IGF2R: variants seen among roughly 807,000 people sequenced by gnomAD.
IGF2R encodes the protein insulin like growth factor 2 receptor.
In IGF2R, 91 loss-of-function variants were observed where a neutral mutation model predicts 270.6. That is an observed-to-expected ratio of 0.34 (90% CI 0.28 to 0.40). IGF2R has a LOEUF of 0.40. Ranked by LOEUF, IGF2R falls within the 10% of genes least tolerant of loss-of-function variation. IGF2R has a pLI of 1.00. For missense variants in IGF2R, 2,805 were observed against 3,188.3 expected (o/e 0.88, Z 2.90); for synonymous variants, 1,316 against 1,258.9 (o/e 1.05, Z -0.96).
rs1248822258 is a variant in IGF2R at position 160,027,435 on chromosome 6, T to G, written c.776+121T>G. The G allele has an allele frequency of 3.8e-5, 41 of 1,081,780 alleles. No homozygotes were observed. The East Asian group carries it at 9.9e-4, about 26-fold the overall frequency. 67.0% of individuals were successfully genotyped at this position (1,081,780 alleles called of 1,614,324 possible). A position where few individuals can be genotyped will look rare whatever the true frequency, so the allele number is the denominator to read the frequency against. ...GGGATAGTCCCTGCAGCATTGCTGC[T>G]TCACATGTACTTGTAAGATTGTTGG... On this transcript the variant is annotated intron_variant, in intron 6 of 47. Coordinates refer to ENST00000356956, the MANE Select transcript of IGF2R (RefSeq NM_000876.4).
chr6:160,028,615 C>T (rs2115228153), intron 6 of IGF2R, among the ~76,000 whole-genome samples: 1 of 152,326 alleles, frequency 6.6e-6, no homozygotes, highest in South Asian at 2.1e-4. Context: ...CCTTTCCACA[C>T]TGAGTGCAGT....
At chr6:159,972,889 G>GT (rs34474276) in intron 1 of IGF2R, among the ~76,000 whole-genome samples, 8 of 152,178 alleles carry the variant, frequency 5.3e-5, no homozygotes, top group Middle Eastern at 3.4e-3. Context: ...TAAGTGCATG[G>GT]TTTTTTTTGG....
chr6:159,987,494 C>T (rs879421551), intron 1 of IGF2R, among the ~76,000 whole-genome samples: 4 of 152,172 alleles, frequency 2.6e-5, no homozygotes, highest in Admixed American at 1.3e-4. Context: ...CAGGTTCAAG[C>T]GATACTCCTG....
chr6:160,065,835 TATATATATATGTA>T (rs1778570546), intron 29 of IGF2R, among the ~76,000 whole-genome samples: 1 of 137,632 alleles, frequency 7.3e-6, no homozygotes, highest in African/African-American at 2.7e-5. Flanking sequence ...TATATATATA[TATATATATATGTA>T]TTTTTTTTGA....
In IGF2R at chr6:160,104,891, G is replaced by C; in HGVS notation, c.7283G>C (p.Gly2428Ala). The stretch of plus-strand genomic sequence containing the variant: ...AAAGTTCACTCGGGCAGGGGAGCTG[G>C]GGCAGAGAGCTCCCACCCAGTGAGA... ...EVKVHSGRGA[G>A]AESSHPVRNA... The change falls in exon 48 of 48, where the codon GGG becomes GCG. Residue 2428 changes from glycine (G) to alanine (A), a missense_variant. Transcript: ENST00000356956. 6.2e-7 allele frequency: 1 copy of C among 1,614,152 alleles called. No individual in the cohort carries two copies. The highest frequency in any genetic ancestry group is 8.5e-7 in the Non-Finnish European group (1 of 1,180,016).
intron 10 of IGF2R, among the ~76,000 whole-genome samples, chr6:160,036,241 C>T (rs1473494544): frequency 2.0e-5 from 3 of 152,092 alleles, no homozygotes; most frequent in African/African-American, 7.2e-5. Context: ...CTGAGCACTC[C>T]CTGCACCCCT....
intron 41 of IGF2R, 107 bp downstream of exon 41, chr6:160,085,238 A>G: frequency 8.5e-7 from 1 of 1,182,822 alleles, no homozygotes. Flanking sequence ...TTTGGTGGAA[A>G]CCTCCAGATA....
At chr6:160,086,727 T>G (rs778109373) in intron 41 of IGF2R, among the ~76,000 whole-genome samples, 22 of 152,194 alleles carry the variant, frequency 1.4e-4, no homozygotes, top group Non-Finnish European at 2.6e-4. Flanking sequence ...CAGCTTTGAG[T>G]TTGGGGCAGG....
chr6:160,092,785 C>T (rs965023424), intron 44 of IGF2R, among the ~76,000 whole-genome samples: 2 of 152,210 alleles, frequency 1.3e-5, no homozygotes, highest in African/African-American at 4.8e-5. Context: ...TGGGCCCCAT[C>T]TGTGTGTGGA....
intron 31 of IGF2R, among the ~76,000 whole-genome samples, chr6:160,070,999 G>A (rs1283914355): frequency 6.6e-6 from 1 of 152,230 alleles, no homozygotes; most frequent in East Asian, 1.9e-4. Context: ...CACATGTGGG[G>A]GGCAAAGGTG....
chr6:160,023,373 C>G (rs1777479481), intron 4 of IGF2R, among the ~76,000 whole-genome samples: 1 of 152,044 alleles, frequency 6.6e-6, no homozygotes, highest in Admixed American at 6.5e-5. Context: ...ATGAGGAACA[C>G]TGGGGTAACA....
intron 41 of IGF2R, among the ~76,000 whole-genome samples, chr6:160,085,753 C>T (rs572276962): frequency 2.0e-5 from 3 of 152,346 alleles, no homozygotes; most frequent in African/African-American, 7.2e-5. Context: ...CACAGGGCTA[C>T]TTCAGATTAG....
At chr6:160,095,242 A>G (rs139725654) in intron 44 of IGF2R, 10 of 152,420 alleles carry the variant, frequency 6.6e-5, no homozygotes, top group South Asian at 2.1e-4. Flanking sequence ...CTCAGACAAT[A>G]TGCTTGGGGA....
intron 4 of IGF2R, among the ~76,000 whole-genome samples, chr6:160,011,797 C>G (rs1784339786): frequency 6.6e-6 from 1 of 152,078 alleles, no homozygotes; most frequent in Non-Finnish European, 1.5e-5. Flanking sequence ...CCATGCCCAC[C>G]ACCCCAGATC....
chr6:160,065,814 G>GTGTGTGTGTGTGTATATATATA, intron 29 of IGF2R, among the ~76,000 whole-genome samples: 7 of 78,384 alleles, frequency 8.9e-5, no homozygotes, highest in South Asian at 5.2e-4. Context: ...GTGTGTGTGT[G>GTGTGTGTGTGTGTATATATATA]TATATATATA....
intron 10 of IGF2R, among the ~76,000 whole-genome samples, chr6:160,038,676 G>A (rs1198117209): frequency 6.6e-6 from 1 of 152,094 alleles, no homozygotes; most frequent in Non-Finnish European, 1.5e-5. Context: ...TTAGTTGACC[G>A]GCAAGCTCAG....
Position 160,104,767 on chromosome 6 carries a change from GAGAACGGCCAT to G in IGF2R, c.7161_7171del (p.Glu2387AspfsTer16). ...TCCACGGCAGGGAAAGGAAGGGCAG[GAGAACGGCCAT>G]ATTACCACCAAGTCAGTGAAAGCCC... On this transcript the variant is annotated frameshift_variant, in exon 48 of 48. Coordinates refer to ENST00000356956, the MANE Select transcript of IGF2R (RefSeq NM_000876.4). LOFTEE classifies it low-confidence loss of function (END_TRUNC). 1 of 1,614,188 alleles carries G rather than the reference GAGAACGGCCAT, an allele frequency of 6.2e-7. No individual in the cohort carries two copies. Among genetic ancestry groups the G allele is most frequent in the Non-Finnish European group, 8.5e-7 (1 of 1,180,034 alleles).
At chr6:160,030,822 G>GTT (rs554469035) in intron 7 of IGF2R, among the ~76,000 whole-genome samples, 173 of 133,642 alleles carry the variant, frequency 1.3e-3, no homozygotes, top group African/African-American at 3.1e-3. Context: ...AGTTCCCTCT[G>GTT]TTTTTTTTTT....
At chr6:160,079,922 G>T in intron 38 of IGF2R, 135 bp downstream of exon 38, 1 of 978,002 alleles carries the variant, frequency 1.0e-6, no homozygotes, top group Non-Finnish European at 1.5e-6. Flanking sequence ...AATGTGAGCT[G>T]TTCCTCTGTA....
Sources: allele counts gnomAD v4.1 joint callset (sites outside exome capture counted in the v4.1 genomes callset), GRCh38; gene constraint gnomAD v4.1.1; transcripts MANE v1.5; gene names NCBI Gene and HGNC (gene_info 2026-07-23, HGNC 2026-07-21).